Variants in MDFIC2 observed in about 807,000 individuals in gnomAD.
MDFIC2 encodes the protein myoD family inhibitor domain-containing protein 2.
intron 2 of MDFIC2, among the ~76,000 whole-genome samples, chr3:70,227,098 T>G (rs1701515133): frequency 6.6e-6 from 1 of 152,148 alleles, no homozygotes; most frequent in Non-Finnish European, 1.5e-5. Flanking sequence ...ACAAATTATA[T>G]CCAAGTTCCC....
At chr3:70,218,904 G>A (rs1232202112) in intron 2 of MDFIC2, among the ~76,000 whole-genome samples, 1 of 151,996 alleles carries the variant, frequency 6.6e-6, no homozygotes, top group Non-Finnish European at 1.5e-5. Flanking sequence ...ATATTTTAGA[G>A]TGTTAAAATA....
At chr3:70,307,123 A>G (rs1702409422) in intron 2 of MDFIC2, among the ~76,000 whole-genome samples, 1 of 152,142 alleles carries the variant, frequency 6.6e-6, no homozygotes, top group African/African-American at 2.4e-5. Context: ...GAAGCTGCAA[A>G]CTGGCAGTCT....
chr3:70,254,962 T>G (rs115868485), intron 2 of MDFIC2, among the ~76,000 whole-genome samples: 2 of 152,206 alleles, frequency 1.3e-5, no homozygotes, highest in Non-Finnish European at 2.9e-5. Context: ...GAATGTGCAA[T>G]AATGTATTTG....
chr3:70,284,838 A>AC, intron 2 of MDFIC2, among the ~76,000 whole-genome samples: 1 of 151,728 alleles, frequency 6.6e-6, no homozygotes. Context: ...TGTATAACAA[A>AC]CCCCCATGAC....
intron 2 of MDFIC2, among the ~76,000 whole-genome samples, chr3:70,302,062 A>C (rs1485775336): frequency 6.6e-6 from 1 of 152,114 alleles, no homozygotes; most frequent in Non-Finnish European, 1.5e-5. Flanking sequence ...CTTATTTAAT[A>C]CTATACTTCT....
rs537132620 is a variant in MDFIC2, at chr3:70,270,558, G to A, written c.88+41328C>T. ...ATATACATGGCTGCTTTCTTAGTCT[G>A]AGTTCAGTGTTTGCAGAAAGTTGGC... is the stretch of plus-strand genomic sequence containing the variant. On this transcript the variant is annotated intron_variant, in intron 2 of 3. Coordinates refer to ENST00000567252, the MANE Select transcript of MDFIC2 (RefSeq NM_001364677.1). Among the ~76,000 whole-genome samples the A allele has an allele frequency of 9.9e-5, 15 of 152,188 alleles. No individual in the cohort carries two copies. In the East Asian group the frequency reaches 2.9e-3, roughly 29 times the overall value.
At chr3:70,268,153 C>G (rs562085746) in intron 2 of MDFIC2, among the ~76,000 whole-genome samples, 1 of 151,272 alleles carries the variant, frequency 6.6e-6, no homozygotes, top group Non-Finnish European at 1.5e-5. Flanking sequence ...CTCCTGCCCC[C>G]ACACATGCAC....
chr3:70,234,103 G>C (rs1250429606), intron 2 of MDFIC2, among the ~76,000 whole-genome samples: 5 of 152,114 alleles, frequency 3.3e-5, no homozygotes, highest in Non-Finnish European at 7.3e-5. Flanking sequence ...TAAAAAGACT[G>C]GAGTCATATC....
chr3:70,231,266 C>A (rs910237857), intron 2 of MDFIC2, among the ~76,000 whole-genome samples: 1 of 152,160 alleles, frequency 6.6e-6, no homozygotes, highest in African/African-American at 2.4e-5. Context: ...TTAACACTGG[C>A]GGCACACGTT....
At chr3:70,244,101 GT>G (rs1701683680) in intron 2 of MDFIC2, among the ~76,000 whole-genome samples, 1 of 152,016 alleles carries the variant, frequency 6.6e-6, no homozygotes, top group African/African-American at 2.4e-5. Flanking sequence ...CTGCTCTTCG[GT>G]TTCCCCCACT....
At chr3:70,265,154 A>T (rs1156390616) in intron 2 of MDFIC2, among the ~76,000 whole-genome samples, 1 of 152,186 alleles carries the variant, frequency 6.6e-6, no homozygotes, top group African/African-American at 2.4e-5. Context: ...CTACAATTCA[A>T]GATTGGGTGG....
intron 2 of MDFIC2, among the ~76,000 whole-genome samples, chr3:70,305,513 G>A (rs932632579): frequency 6.6e-6 from 1 of 152,130 alleles, no homozygotes; most frequent in African/African-American, 2.4e-5. Flanking sequence ...GAATTAGATT[G>A]GATTAATATT....
chr3:70,245,710 TATATAC>T (rs1701700846), intron 2 of MDFIC2, among the ~76,000 whole-genome samples: 1 of 132,154 alleles, frequency 7.6e-6, no homozygotes, highest in South Asian at 2.4e-4. Context: ...TATATATATA[TATATAC>T]ACATTCAAAT....
chr3:70,252,507 G>A (rs140331650), intron 2 of MDFIC2, among the ~76,000 whole-genome samples: 1 of 152,128 alleles, frequency 6.6e-6, no homozygotes, highest in Admixed American at 6.6e-5. Context: ...AGTTACAAAC[G>A]TGATTCAAGG....
At chr3:70,299,159 A>G (rs1702320664) in intron 2 of MDFIC2, among the ~76,000 whole-genome samples, 1 of 152,166 alleles carries the variant, frequency 6.6e-6, no homozygotes, top group Non-Finnish European at 1.5e-5. Context: ...TTGGTTACAT[A>G]TATTTTGTTA....
intron 2 of MDFIC2, among the ~76,000 whole-genome samples, chr3:70,210,943 C>T (rs1701337215): frequency 1.3e-5 from 2 of 151,944 alleles, no homozygotes; most frequent in African/African-American, 4.8e-5. Flanking sequence ...TATTGAGTAC[C>T]CACATGCAAC....
chr3:70,298,303 T>A (rs1016826565), intron 2 of MDFIC2, among the ~76,000 whole-genome samples: 7 of 152,244 alleles, frequency 4.6e-5, no homozygotes, highest in African/African-American at 1.4e-4. Flanking sequence ...TATTTTCAAG[T>A]GCTTGTTTCA....
intron 2 of MDFIC2, among the ~76,000 whole-genome samples, chr3:70,221,723 C>T (rs1366656902): frequency 6.6e-6 from 1 of 152,128 alleles, no homozygotes; most frequent in Non-Finnish European, 1.5e-5. Flanking sequence ...TGAGGTAGAT[C>T]TTGGATGATA....
At chr3:70,273,971 C>CT (rs1244805487) in intron 2 of MDFIC2, among the ~76,000 whole-genome samples, 2 of 151,472 alleles carry the variant, frequency 1.3e-5, no homozygotes, top group Non-Finnish European at 2.9e-5. Context: ...CCAGAATTTT[C>CT]TTTTTGACAC....
Sources: allele counts gnomAD v4.1 joint callset (sites outside exome capture counted in the v4.1 genomes callset), GRCh38; gene constraint gnomAD v4.1.1; transcripts MANE v1.5; gene names NCBI Gene and HGNC (gene_info 2026-07-23, HGNC 2026-07-21).